The following STK3 variants were observed in gnomAD, a reference collection of about 807,000 sequenced individuals.
STK3 encodes serine/threonine kinase 3, also known as serine/threonine-protein kinase 3.
A neutral mutation model predicts 58.0 loss-of-function variants in STK3; 41 were observed. The ratio of observed to expected loss-of-function variants is 0.71; its 90% CI spans 0.55 to 0.92. The LOEUF (loss-of-function observed/expected upper bound fraction) is 0.92. Ranked by LOEUF, STK3 falls within the 40% of genes least tolerant of loss-of-function variation. STK3 has a pLI of 0.00. For synonymous variants in STK3, 170 were observed against 191.0 expected (o/e 0.89, Z 0.91); for missense variants, 479 against 602.7 (o/e 0.79, Z 2.15).
At chr8:98,398,793 G>C (rs572285945), downstream of STK3, among the ~76,000 whole-genome samples, 1 of 151,932 alleles carries the variant, frequency 6.6e-6, no homozygotes, top group Non-Finnish European at 1.5e-5. Context: ...AATATTCCCT[G>C]TTTCTTCCAG....
At chr8:98,693,919 T>G (rs568736611) in intron 6 of STK3, among the ~76,000 whole-genome samples, 5 of 152,326 alleles carry the variant, frequency 3.3e-5, no homozygotes, top group African/African-American at 1.2e-4. Context: ...TTTTAAATAT[T>G]AAAAAACGGT....
chr8:98,896,832 A>T (rs1216681401), intron 1 of STK3, among the ~76,000 whole-genome samples: 2 of 152,060 alleles, frequency 1.3e-5, no homozygotes, highest in South Asian at 2.1e-4. Flanking sequence ...TACAAAAATT[A>T]GCTGGGTGTG....
At chr8:98,402,794 G>A (rs1817956805) in intron 3 of STK3, among the ~76,000 whole-genome samples, 1 of 152,158 alleles carries the variant, frequency 6.6e-6, no homozygotes. Context: ...TCCCTGGGGA[G>A]GAGCCTGCAG....
At chr8:98,904,281 C>T (rs1275013022) in intron 1 of STK3, among the ~76,000 whole-genome samples, 1 of 152,066 alleles carries the variant, frequency 6.6e-6, no homozygotes, top group African/African-American at 2.4e-5. Flanking sequence ...TATTCAACTC[C>T]TAGGGAAAGC....
At chr8:98,379,095 C>A (rs1052291607) in intron 2 of STK3, 2 of 35,558 alleles carry the variant, frequency 5.6e-5, no homozygotes, top group Non-Finnish European at 1.8e-4. Context: ...TCACCTAGCT[C>A]AGATGGGGGT....
intron 1 of STK3, among the ~76,000 whole-genome samples, chr8:98,893,476 AAGAAAGAAAGAGAAAG>A (rs1838305247): frequency 4.3e-5 from 3 of 69,714 alleles, no homozygotes; most frequent in Non-Finnish European, 8.4e-5. Context: ...GAAAGAAAGA[AAGAAAGAAAGAGAAAG>A]AAAGAAAGAA....
intron 1 of STK3, among the ~76,000 whole-genome samples, chr8:98,884,100 C>T (rs984140816): frequency 1.3e-5 from 2 of 152,192 alleles, no homozygotes; most frequent in East Asian, 1.9e-4. Context: ...AATGACGTCA[C>T]TGAGCCCTTA....
chr8:98,767,509 G>T, intron 2 of STK3, 138 bp from the exon 3 acceptor site: 2 of 806,244 alleles, frequency 2.5e-6, no homozygotes, highest in Non-Finnish European at 3.6e-6. Context: ...AAGTAAACAA[G>T]TAACAATTTT....
At chr8:98,926,210 G>T (rs1245162801) in intron 1 of STK3, among the ~76,000 whole-genome samples, 1 of 152,144 alleles carries the variant, frequency 6.6e-6, no homozygotes, top group Non-Finnish European at 1.5e-5. Context: ...TGGGGGGAGA[G>T]CAGCTGGAAC....
At chr8:98,510,353 T>A (rs938957147) in intron 10 of STK3, among the ~76,000 whole-genome samples, 1 of 152,072 alleles carries the variant, frequency 6.6e-6, no homozygotes, top group African/African-American at 2.4e-5. Context: ...AATTTCCTAA[T>A]CAGTTTTGCA....
intron 1 of STK3, among the ~76,000 whole-genome samples, chr8:98,924,337 T>C (rs1228071858): frequency 6.6e-6 from 1 of 152,204 alleles, no homozygotes; most frequent in Non-Finnish European, 1.5e-5. Flanking sequence ...TTACCCTAAC[T>C]GGTTATATAA....
At chr8:98,378,875 C>T (rs917140595) in intron 2 of STK3, among the ~76,000 whole-genome samples, 1 of 152,180 alleles carries the variant, frequency 6.6e-6, no homozygotes, top group Non-Finnish European at 1.5e-5. Context: ...GCTTTGGCCT[C>T]CTTGATCCCC....
At chr8:98,719,478 G>C (rs1374304295) in intron 4 of STK3, among the ~76,000 whole-genome samples, 2 of 152,110 alleles carry the variant, frequency 1.3e-5, no homozygotes, top group Non-Finnish European at 2.9e-5. Flanking sequence ...CAGGGTCTTA[G>C]GATCTGTCTG....
chr8:98,762,058 C>G (rs973107032), intron 3 of STK3, among the ~76,000 whole-genome samples: 1 of 152,186 alleles, frequency 6.6e-6, no homozygotes. Flanking sequence ...TGAGGTATGA[C>G]CTCCCTGGGA....
intron 6 of STK3, among the ~76,000 whole-genome samples, chr8:98,684,628 T>C (rs1587286670): frequency 6.6e-6 from 1 of 152,178 alleles, no homozygotes; most frequent in African/African-American, 2.4e-5. Flanking sequence ...CTCTGTGAAG[T>C]AGATGGATGA....
intron 3 of STK3, among the ~76,000 whole-genome samples, chr8:98,418,878 A>T (rs554085235): frequency 3.5e-4 from 53 of 152,128 alleles, no homozygotes; most frequent in Admixed American, 2.6e-3. Context: ...TCTGTGCTCC[A>T]CTCTGCCACA....
intron 6 of STK3, among the ~76,000 whole-genome samples, chr8:98,701,129 C>T (rs1264028025): frequency 6.9e-6 from 1 of 145,718 alleles, no homozygotes. Flanking sequence ...GTGATTGTGC[C>T]ACTGCACTCC....
intron 10 of STK3, among the ~76,000 whole-genome samples, chr8:98,499,753 A>G (rs1231488962): frequency 6.6e-6 from 1 of 152,224 alleles, no homozygotes; most frequent in Non-Finnish European, 1.5e-5. Flanking sequence ...TAGTGGCAGA[A>G]AGCTTAGCTG....
At chr8:98,814,804 C>T (rs1167759829) in intron 1 of STK3, among the ~76,000 whole-genome samples, 1 of 152,190 alleles carries the variant, frequency 6.6e-6, no homozygotes, top group African/African-American at 2.4e-5. Context: ...CCCACCTCAG[C>T]CTCCTGGCTG....
Sources: allele counts gnomAD v4.1 joint callset (sites outside exome capture counted in the v4.1 genomes callset), GRCh38; gene constraint gnomAD v4.1.1; transcripts MANE v1.5; gene names NCBI Gene and HGNC (gene_info 2026-07-23, HGNC 2026-07-21).